The following SEM1 variants were observed in gnomAD, a reference collection of about 807,000 sequenced individuals.
SEM1 encodes SEM1 26S proteasome subunit.
SEM1 carries 3 observed loss-of-function variants against 12.7 expected under a neutral mutation model. The ratio of observed to expected loss-of-function variants is 0.24; its 90% CI spans 0.11 to 0.61. The LOEUF (loss-of-function observed/expected upper bound fraction) is 0.61. SEM1 is among the 20% of genes least tolerant of loss of function. The pLI, the probability that SEM1 is intolerant of heterozygous loss-of-function variation, is 0.88. For synonymous variants in SEM1, 30 were observed against 27.8 expected, an observed-to-expected ratio of 1.08 and a Z score of -0.25; for missense variants, 59 against 81.3, an observed-to-expected ratio of 0.73 and a Z score of 1.06.
At chr7:96,636,256 G>A (rs1808421410) in intron 2 of SEM1, among the ~76,000 whole-genome samples, 1 of 152,006 alleles carries the variant, frequency 6.6e-6, no homozygotes, top group Non-Finnish European at 1.5e-5. Flanking sequence ...CCTATGAGAA[G>A]TCAAAAGAAG....
intron 2 of SEM1, among the ~76,000 whole-genome samples, chr7:96,646,129 T>C (rs1808785662): frequency 6.6e-6 from 1 of 152,190 alleles, no homozygotes; most frequent in Non-Finnish European, 1.5e-5. Flanking sequence ...CAGCAAACTA[T>C]AGCCTGCATG....
At chr7:96,687,976 C>T (rs952050984), downstream of SEM1, 13 of 152,082 alleles carry the variant, frequency 8.5e-5, no homozygotes, top group African/African-American at 2.7e-4. Flanking sequence ...ACTTGTATTT[C>T]AGGCCACCAA....
intron 2 of SEM1, among the ~76,000 whole-genome samples, chr7:96,572,930 G>A (rs147252204): frequency 0.036 from 5,530 of 152,146 alleles, 328 homozygotes; most frequent in African/African-American, 0.12. Context: ...TCTCTTTGTA[G>A]GTCTCTAAGA....
intron 2 of SEM1, among the ~76,000 whole-genome samples, chr7:96,629,981 C>T (rs1323210313): frequency 1.3e-5 from 2 of 152,212 alleles, no homozygotes; most frequent in African/African-American, 4.8e-5. Flanking sequence ...TTCTCCCAAA[C>T]AGAGCCTCTC....
chr7:96,562,271 G>T (rs1805710759), intron 2 of SEM1, among the ~76,000 whole-genome samples: 1 of 152,106 alleles, frequency 6.6e-6, no homozygotes, highest in Admixed American at 6.6e-5. Flanking sequence ...ACCTTTGTTG[G>T]AATTTGTTAG....
chr7:96,540,419 G>T (rs1804909621), intron 2 of SEM1, among the ~76,000 whole-genome samples: 1 of 151,644 alleles, frequency 6.6e-6, no homozygotes, highest in Non-Finnish European at 1.5e-5. Flanking sequence ...ATGGCATTCT[G>T]TTAATAAAAT....
chr7:96,585,416 TTTTG>T (rs1441141681), intron 2 of SEM1, among the ~76,000 whole-genome samples: 4 of 152,052 alleles, frequency 2.6e-5, no homozygotes, highest in African/African-American at 4.8e-5. Context: ...ACTGCTGTCT[TTTTG>T]TTTGTCTGTG....
intron 2 of SEM1, chr7:96,673,951 T>C: frequency 1.4e-6 from 1 of 699,902 alleles, no homozygotes. Flanking sequence ...TGGCCCATCC[T>C]GAAAAATGTA....
intron 2 of SEM1, among the ~76,000 whole-genome samples, chr7:96,538,021 A>G (rs1024627847): frequency 2.0e-5 from 3 of 151,332 alleles, no homozygotes; most frequent in Non-Finnish European, 4.4e-5. Context: ...TCAGTTTAGA[A>G]TGTTTCTGTT....
At chr7:96,694,699 G>T in intron 2 of SEM1, 99 bp downstream of exon 2, 1 of 763,164 alleles carries the variant, frequency 1.3e-6, no homozygotes, top group Non-Finnish European at 2.2e-6. Context: ...CTATTTCAAA[G>T]ATTAAGTAGC....
At chr7:96,615,241 CTTTTTTTTTTTT>C (rs60940244) in intron 2 of SEM1, among the ~76,000 whole-genome samples, 32 of 126,424 alleles carry the variant, frequency 2.5e-4, no homozygotes, top group East Asian at 9.6e-4. Flanking sequence ...TTTGAGTCAT[CTTTTTTTTTTTT>C]TTTTTTTTTT....
intron 2 of SEM1, among the ~76,000 whole-genome samples, chr7:96,529,788 G>A (rs1804586794): frequency 6.6e-6 from 1 of 152,070 alleles, no homozygotes; most frequent in Non-Finnish European, 1.5e-5. Context: ...TTCATGTATA[G>A]TAACTGTGAT....
intron 2 of SEM1, among the ~76,000 whole-genome samples, chr7:96,588,390 ACACACAC>A (rs1404106246): frequency 0.022 from 1,259 of 58,184 alleles, 9 homozygotes; most frequent in African/African-American, 0.035. Flanking sequence ...ACACACACAC[ACACACAC>A]GAGAGAGAGA....
intron 2 of SEM1, among the ~76,000 whole-genome samples, chr7:96,535,590 T>G (rs1402789143): frequency 6.6e-6 from 1 of 151,846 alleles, no homozygotes; most frequent in Admixed American, 6.6e-5. Context: ...GCCCAACAGT[T>G]TCTTTTCTCT....
chr7:96,674,508 A>G (rs534833624), intron 2 of SEM1, among the ~76,000 whole-genome samples: 1 of 152,024 alleles, frequency 6.6e-6, no homozygotes, highest in African/African-American at 2.4e-5. Context: ...ACAAACAAAC[A>G]AAAAAATTAG....
intron 2 of SEM1, among the ~76,000 whole-genome samples, chr7:96,536,947 A>G (rs764969773): frequency 4.6e-5 from 7 of 151,808 alleles, no homozygotes; most frequent in Non-Finnish European, 8.8e-5. Context: ...AATATCTACT[A>G]TACTAGAGAC....
At chr7:96,554,828 G>T (rs1171060760) in intron 2 of SEM1, among the ~76,000 whole-genome samples, 1 of 151,348 alleles carries the variant, frequency 6.6e-6, no homozygotes, top group Non-Finnish European at 1.5e-5. Context: ...TCTGGTCCTA[G>T]ACTCTTTTTG....
intron 2 of SEM1, among the ~76,000 whole-genome samples, chr7:96,538,887 A>T (rs1804867912): frequency 6.6e-6 from 1 of 151,806 alleles, no homozygotes; most frequent in Non-Finnish European, 1.5e-5. Context: ...GTCATATTGC[A>T]CAATGATTAC....
chr7:96,512,592 G>A (rs1253374446), intron 2 of SEM1, among the ~76,000 whole-genome samples: 1 of 152,090 alleles, frequency 6.6e-6, no homozygotes, highest in Non-Finnish European at 1.5e-5. Flanking sequence ...TGAGAAAAGG[G>A]AAACGGGCTT....
Sources: allele counts gnomAD v4.1 joint callset (sites outside exome capture counted in the v4.1 genomes callset), GRCh38; gene constraint gnomAD v4.1.1; transcripts MANE v1.5; gene names NCBI Gene and HGNC (gene_info 2026-07-23, HGNC 2026-07-21).